The following HS3ST5 variants were observed in gnomAD, a reference collection of about 807,000 sequenced individuals.
HS3ST5 encodes the protein heparan sulfate glucosamine 3-O-sulfotransferase 5.
In HS3ST5, 10 loss-of-function variants were observed where a neutral mutation model predicts 25.4. The observed-to-expected ratio is 0.39, with a 90% CI of 0.24 to 0.67. HS3ST5 has a LOEUF of 0.67. Among genes scored for constraint, HS3ST5 ranks in the 30% least tolerant of loss-of-function variants. The probability of loss-of-function intolerance (pLI) is 0.44; values close to 1 mark genes in which losing one functional copy is unlikely to be tolerated. For missense variants in HS3ST5, 324 were observed against 420.7 expected, an observed-to-expected ratio of 0.77 and a Z score of 2.01; for synonymous variants, 170 against 162.4, an observed-to-expected ratio of 1.05 and a Z score of -0.36.
chr6:114,123,142 G>A (rs143069532), intron 3 of HS3ST5, among the ~76,000 whole-genome samples: 373 of 152,182 alleles, frequency 2.5e-3, no homozygotes, highest in Middle Eastern at 0.01. Flanking sequence ...TAGTAGAGAC[G>A]GGGTTTCTCC....
At chr6:114,328,151 A>G (rs1056154994) in intron 1 of HS3ST5, among the ~76,000 whole-genome samples, 1 of 152,114 alleles carries the variant, frequency 6.6e-6, no homozygotes, top group East Asian at 1.9e-4. Context: ...TATACTTTTT[A>G]TGATATTCCA....
At chr6:114,235,161 CA>C (rs1771796094) in intron 1 of HS3ST5, among the ~76,000 whole-genome samples, 1 of 151,990 alleles carries the variant, frequency 6.6e-6, no homozygotes, top group East Asian at 1.9e-4. Context: ...CCAAAAGAAA[CA>C]AAAATTCTTC....
intron 1 of HS3ST5, among the ~76,000 whole-genome samples, chr6:114,304,284 C>A (rs1323052): frequency 0.19 from 28,678 of 151,918 alleles, 3,225 homozygotes; most frequent in Admixed American, 0.25. Flanking sequence ...ATGTTGACAT[C>A]ATTTTCTCAA....
intron 3 of HS3ST5, among the ~76,000 whole-genome samples, chr6:114,165,036 T>C (rs548058874): frequency 6.6e-6 from 1 of 152,156 alleles, no homozygotes; most frequent in Non-Finnish European, 1.5e-5. Flanking sequence ...CTGTATCCCA[T>C]TGAGGTTCCT....
chr6:114,121,586 A>G (rs1776788644), intron 3 of HS3ST5, among the ~76,000 whole-genome samples: 2 of 152,154 alleles, frequency 1.3e-5, no homozygotes, highest in Admixed American at 1.3e-4. Flanking sequence ...TTCTTTTTAT[A>G]AAAAATACAA....
intron 3 of HS3ST5, among the ~76,000 whole-genome samples, chr6:114,092,738 C>T (rs1437520242): frequency 3.4e-5 from 5 of 148,390 alleles, no homozygotes; most frequent in Admixed American, 6.8e-5. Flanking sequence ...TGCAATGGTG[C>T]GATCTCGGCT....
At chr6:114,192,466 C>T (rs1323542479) in intron 2 of HS3ST5, among the ~76,000 whole-genome samples, 3 of 152,172 alleles carry the variant, frequency 2.0e-5, no homozygotes, top group African/African-American at 7.2e-5. Flanking sequence ...GTGCATTCAA[C>T]TTTGTTTTGC....
At chr6:114,076,825 G>A (rs1010321712) in intron 3 of HS3ST5, among the ~76,000 whole-genome samples, 33 of 152,284 alleles carry the variant, frequency 2.2e-4, no homozygotes, top group Admixed American at 1.9e-3. Context: ...GAGATTAAGA[G>A]GAAAATGGAC....
chr6:114,157,657 A>C (rs1778761369), intron 3 of HS3ST5, among the ~76,000 whole-genome samples: 1 of 152,222 alleles, frequency 6.6e-6, no homozygotes, highest in African/African-American at 2.4e-5. Context: ...CAATGTATAC[A>C]TATATCAAAA....
chr6:114,241,028 A>G (rs1255894357), intron 1 of HS3ST5, among the ~76,000 whole-genome samples: 1 of 148,886 alleles, frequency 6.7e-6, no homozygotes, highest in Non-Finnish European at 1.5e-5. Flanking sequence ...GGCATGTAAT[A>G]AACTGAACAG....
chr6:114,064,160 A>G (rs1409249506), intron 3 of HS3ST5, among the ~76,000 whole-genome samples: 3 of 152,228 alleles, frequency 2.0e-5, no homozygotes, highest in Non-Finnish European at 4.4e-5. Context: ...CATGGTTAGA[A>G]ATTGTTTTGC....
At chr6:114,315,633 G>A (rs566313795) in intron 1 of HS3ST5, among the ~76,000 whole-genome samples, 112 of 152,292 alleles carry the variant, frequency 7.4e-4, no homozygotes, top group Middle Eastern at 3.4e-3. Context: ...GAGATGCACA[G>A]AAAACAATTT....
intron 1 of HS3ST5, among the ~76,000 whole-genome samples, chr6:114,332,663 G>T (rs1776449853): frequency 1.3e-5 from 2 of 152,096 alleles, no homozygotes; most frequent in Admixed American, 1.3e-4. Context: ...GTGTGTGCGT[G>T]ACAGGGGAAT....
At chr6:114,253,205 C>G (rs1008933153) in intron 1 of HS3ST5, among the ~76,000 whole-genome samples, 1 of 152,166 alleles carries the variant, frequency 6.6e-6, no homozygotes, top group African/African-American at 2.4e-5. Flanking sequence ...AAAAGAAACA[C>G]ATGAAATTAA....
intron 2 of HS3ST5, among the ~76,000 whole-genome samples, chr6:114,188,120 C>T (rs888101658): frequency 4.6e-5 from 7 of 152,080 alleles, no homozygotes; most frequent in South Asian, 2.1e-4. Context: ...GCAATATCTC[C>T]GAGGTACGCC....
intron 1 of HS3ST5, among the ~76,000 whole-genome samples, chr6:114,304,303 G>A (rs1304642088): frequency 6.6e-6 from 1 of 151,914 alleles, no homozygotes; most frequent in Admixed American, 6.6e-5. Context: ...AAGCATACTA[G>A]GCACAAACAC....
intron 1 of HS3ST5, among the ~76,000 whole-genome samples, chr6:114,262,947 T>A (rs1773242784): frequency 6.6e-6 from 1 of 152,176 alleles, no homozygotes; most frequent in Admixed American, 6.5e-5. Context: ...ACCAGAATAT[T>A]ATTAGTAATA....
chr6:114,130,976 A>G (rs1777303291), intron 3 of HS3ST5, among the ~76,000 whole-genome samples: 1 of 152,156 alleles, frequency 6.6e-6, no homozygotes, highest in African/African-American at 2.4e-5. Context: ...CAGGAACTCA[A>G]GGCTGCAGTG....
intron 3 of HS3ST5, among the ~76,000 whole-genome samples, chr6:114,165,086 T>G (rs996248140): frequency 6.6e-6 from 1 of 152,188 alleles, no homozygotes. Flanking sequence ...TTTAAAATGA[T>G]GTATGGATGG....
Sources: allele counts gnomAD v4.1 joint callset (sites outside exome capture counted in the v4.1 genomes callset), GRCh38; gene constraint gnomAD v4.1.1; transcripts MANE v1.5; gene names NCBI Gene and HGNC (gene_info 2026-07-23, HGNC 2026-07-21).